Variants in RIN2 observed in about 807,000 individuals in gnomAD.
RIN2 encodes the protein RAB5 interacting protein 2.
Under a neutral mutation model 78.0 loss-of-function variants are expected in RIN2, and 36 were observed. The observed-to-expected ratio is 0.46, with a 90% CI of 0.35 to 0.61. The LOEUF (loss-of-function observed/expected upper bound fraction) is 0.61. RIN2 is among the 20% of genes least tolerant of loss of function. The pLI is 0.00. For synonymous variants in RIN2, 466 were observed against 466.8 expected, an observed-to-expected ratio of 1.00 and a Z score of 0.02; for missense variants, 1,087 against 1,159.7, an observed-to-expected ratio of 0.94 and a Z score of 0.91.
chr20:19,774,740 G>T (rs2034254216), intron 1 of RIN2, among the ~76,000 whole-genome samples: 1 of 152,168 alleles, frequency 6.6e-6, no homozygotes, highest in South Asian at 2.1e-4. Flanking sequence ...GTTCTCTCTT[G>T]TGAATAGGAT....
At chr20:19,786,318 TGCCATGCAAGCAGTTA>T (rs1056233143) in intron 1 of RIN2, among the ~76,000 whole-genome samples, 20 of 152,286 alleles carry the variant, frequency 1.3e-4, no homozygotes, top group South Asian at 4.1e-4. Context: ...AGTGCTGAGC[TGCCATGCAAGCAGTTA>T]GACTGTTCTG....
intron 2 of RIN2, among the ~76,000 whole-genome samples, chr20:19,813,197 C>T (rs978866465): frequency 2.6e-5 from 4 of 152,312 alleles, no homozygotes; most frequent in East Asian, 1.9e-4. Flanking sequence ...CTCTAGTTCT[C>T]ATATAATGAA....
chr20:19,908,256 C>T (rs1350451652), intron 3 of RIN2, among the ~76,000 whole-genome samples: 2 of 152,068 alleles, frequency 1.3e-5, no homozygotes, highest in East Asian at 3.9e-4. Flanking sequence ...CTTTGGGAGG[C>T]CGAGGTGGGC....
At position 20,002,342 on chromosome 20, in the gene RIN2, A is replaced by T. The variant is rs2146446910; in HGVS notation, c.*1406A>T. 6.6e-6 allele frequency: 1 copy of T among 152,568 alleles called. No individual in the cohort carries two copies. The highest frequency in any genetic ancestry group is 1.9e-4 in the East Asian group (1 of 5,188). 9.5% of individuals were successfully genotyped at this position (152,568 alleles called of 1,614,324 possible). On this transcript the variant is annotated 3_prime_UTR_variant, in exon 13 of 13. Coordinates refer to ENST00000255006, the MANE Select transcript of RIN2 (RefSeq NM_018993.4). ...TAGCCTTGGCTTTTGTTGAACTAGA[A>T]CCCTCAGCACATACTGTGTTGTACT...
chr20:19,913,517 C>T (rs1360853296), intron 3 of RIN2, among the ~76,000 whole-genome samples: 1 of 152,176 alleles, frequency 6.6e-6, no homozygotes, highest in Non-Finnish European at 1.5e-5. Flanking sequence ...GCAACCATCA[C>T]CACCATCCAT....
intron 3 of RIN2, among the ~76,000 whole-genome samples, chr20:19,931,720 T>C (rs896945520): frequency 2.6e-5 from 4 of 152,022 alleles, no homozygotes; most frequent in Non-Finnish European, 4.4e-5. Context: ...TTTTTTTTTT[T>C]TTTTTCTGCT....
At chr20:19,842,902 C>G (rs1171560841) in intron 2 of RIN2, among the ~76,000 whole-genome samples, 2 of 151,804 alleles carry the variant, frequency 1.3e-5, no homozygotes, top group East Asian at 3.9e-4. Flanking sequence ...AAAGAACATT[C>G]ATGATTCACA....
intron 2 of RIN2, among the ~76,000 whole-genome samples, chr20:19,839,589 GC>G (rs2036522333): frequency 6.6e-6 from 1 of 152,162 alleles, no homozygotes; most frequent in South Asian, 2.1e-4. Flanking sequence ...GAATTGCTTG[GC>G]TAGAGAAGAT....
chr20:19,782,334 G>A (rs1294132625), intron 1 of RIN2, among the ~76,000 whole-genome samples: 2 of 152,202 alleles, frequency 1.3e-5, no homozygotes, highest in Non-Finnish European at 2.9e-5. Context: ...GGAGGCTGAG[G>A]TGGGTGGATC....
intron 1 of RIN2, among the ~76,000 whole-genome samples, chr20:19,777,389 A>G (rs939330759): frequency 1.3e-5 from 2 of 152,252 alleles, no homozygotes; most frequent in African/African-American, 4.8e-5. Context: ...GTCTCTTACA[A>G]AGAAACATGC....
chr20:19,918,063 T>G (rs997070353), intron 3 of RIN2, among the ~76,000 whole-genome samples: 1 of 152,110 alleles, frequency 6.6e-6, no homozygotes, highest in African/African-American at 2.4e-5. Context: ...GAAAACCCAG[T>G]GAAGACAAGT....
intron 3 of RIN2, among the ~76,000 whole-genome samples, chr20:19,927,939 G>C (rs979310247): frequency 1.4e-4 from 22 of 152,244 alleles, no homozygotes; most frequent in Middle Eastern, 6.8e-3. Flanking sequence ...GTCTCACTCT[G>C]TAGCCCAGGC....
At chr20:19,838,126 CTTT>C (rs1396182582) in intron 2 of RIN2, among the ~76,000 whole-genome samples, 1 of 152,184 alleles carries the variant, frequency 6.6e-6, no homozygotes, top group East Asian at 1.9e-4. Flanking sequence ...TTTCCATCTT[CTTT>C]TAACATGAAG....
At chr20:19,762,666 G>A (rs1322154648) in intron 1 of RIN2, among the ~76,000 whole-genome samples, 1 of 152,206 alleles carries the variant, frequency 6.6e-6, no homozygotes, top group South Asian at 2.1e-4. Flanking sequence ...TAGCCAAGCC[G>A]TGGAGTTCAA....
At chr20:19,911,119 C>T (rs899348684) in intron 3 of RIN2, among the ~76,000 whole-genome samples, 1 of 151,986 alleles carries the variant, frequency 6.6e-6, no homozygotes, top group Admixed American at 6.6e-5. Flanking sequence ...GGTGCAAACT[C>T]GACTCACTGC....
At chr20:19,818,287 T>C (rs546656354) in intron 2 of RIN2, among the ~76,000 whole-genome samples, 4 of 152,324 alleles carry the variant, frequency 2.6e-5, no homozygotes, top group African/African-American at 9.6e-5. Flanking sequence ...TTAACTGAAA[T>C]GTCATTGTAC....
intron 1 of RIN2, among the ~76,000 whole-genome samples, chr20:19,798,830 T>C (rs1356871025): frequency 1.3e-5 from 2 of 152,184 alleles, no homozygotes; most frequent in African/African-American, 4.8e-5. Context: ...CATTCATGCA[T>C]GTACTTAGGT....
At chr20:19,995,886 G>A (rs990851212) in intron 11 of RIN2, among the ~76,000 whole-genome samples, 1 of 152,082 alleles carries the variant, frequency 6.6e-6, no homozygotes, top group African/African-American at 2.4e-5. Context: ...AAAGCCAAGA[G>A]CAAGTGTTGC....
rs373109273 is a variant in RIN2 at position 19,762,448 on chromosome 20, T to A, written c.-163+4121T>A. On this transcript the variant is annotated intron_variant, in intron 1 of 12. Transcript: ENST00000255006. ...TCTGCAGACATTTCTAGGTCTCCAA[T>A]GCTGAGCAAATATATCTCAAGATTT... 3.7e-4 allele frequency among the ~76,000 whole-genome samples: 57 copies of A among 152,328 alleles called. No homozygotes were observed. The South Asian group carries it at 0.011, about 30-fold the overall frequency.
Sources: allele counts gnomAD v4.1 joint callset (sites outside exome capture counted in the v4.1 genomes callset), GRCh38; gene constraint gnomAD v4.1.1; transcripts MANE v1.5; gene names NCBI Gene and HGNC (gene_info 2026-07-23, HGNC 2026-07-21).